ABCF1: variants seen among roughly 807,000 people sequenced by gnomAD.
The protein encoded by ABCF1 is ATP binding cassette subfamily F member 1.
ABCF1 carries 73 observed loss-of-function variants against 126.3 expected under a neutral mutation model. The ratio of observed to expected loss-of-function variants is 0.58; its 90% CI spans 0.48 to 0.70. The LOEUF (loss-of-function observed/expected upper bound fraction) is 0.70. Ranked by LOEUF, ABCF1 falls within the 30% of genes least tolerant of loss-of-function variation. ABCF1 has a pLI of 0.00. For synonymous variants in ABCF1, 345 were observed against 396.4 expected, an observed-to-expected ratio of 0.87 and a Z score of 1.54; for missense variants, 786 against 1,057.5, an observed-to-expected ratio of 0.74 and a Z score of 3.56.
Position 30,591,314 on chromosome 6 carries a change from C to G in ABCF1, c.*613C>G, listed in dbSNP as rs145548649. 1.3e-5 allele frequency: 2 copies of G among 152,262 alleles called. No individual in the cohort carries two copies. Among genetic ancestry groups the G allele is most frequent in the African/African-American group, 4.8e-5 (2 of 41,434 alleles). 9.4% of individuals were successfully genotyped at this position (152,262 alleles called of 1,614,324 possible). ...ATAAAGGAAAGGAGTTGCTGCCGAC[C>G]TGTCACTGTTTGGAGATTGATGGGA... On this transcript the variant is annotated 3_prime_UTR_variant, in exon 25 of 25. Coordinates refer to ENST00000326195, the MANE Select transcript of ABCF1 (RefSeq NM_001025091.2).
At chr6:30,578,440 A>C in intron 5 of ABCF1, 30 bp from the exon 6 acceptor site, 2 of 1,614,030 alleles carry the variant, frequency 1.2e-6, no homozygotes, top group Non-Finnish European at 8.5e-7. Flanking sequence ...TGACCATCCT[A>C]CTGACTTCTG....
chr6:30,581,528 C>G (rs930186581), intron 8 of ABCF1, among the ~76,000 whole-genome samples: 15 of 151,610 alleles, frequency 9.9e-5, no homozygotes, highest in African/African-American at 2.7e-4. Flanking sequence ...CTCAGTCTCC[C>G]GAGTAGCTGG....
At chr6:30,585,436 C>G (rs1011549939) in intron 15 of ABCF1, 93 bp downstream of exon 15, 50 of 1,570,718 alleles carry the variant, frequency 3.2e-5, no homozygotes, top group Non-Finnish European at 4.3e-5. Flanking sequence ...CTCCACTGTG[C>G]CTGTGAGTGG....
At position 30,586,417 on chromosome 6, in the gene ABCF1, A is replaced by G; in HGVS notation, c.1886-57A>G. 1.9e-6 allele frequency: 3 copies of G among 1,610,998 alleles called. No homozygotes were observed. The highest frequency in any genetic ancestry group is 2.5e-6 in the Non-Finnish European group (3 of 1,177,412). On this transcript the variant is annotated intron_variant, in intron 18 of 24. Transcript: ENST00000326195. This position sits in a 1 kb window ranked among gnomAD's most constrained non-coding sequence, Gnocchi z 4.9. ...TCCTGTTCTCCAAGGCCAGCACATGAGAGGGACTTTGCAGGGACTGAAAAG... is the reference window on the plus strand; with the variant it reads ...TCCTGTTCTCCAAGGCCAGCACATGGGAGGGACTTTGCAGGGACTGAAAAG...
Position 30,574,929 on chromosome 6 carries a change from A to G in ABCF1, c.74-2480A>G, listed in dbSNP as rs1429954540. Among the ~76,000 whole-genome samples, 2 of 152,070 alleles carry G rather than the reference A, an allele frequency of 1.3e-5. No homozygotes were observed. Among genetic ancestry groups the G allele is most frequent in the Admixed American group, 1.3e-4 (2 of 15,262 alleles). ...GTCTGTGAAGCCTTTAATTATTGGA[A>G]TTGTCTCTCGTTAACTCTAGTTTTT... is the stretch of plus-strand genomic sequence containing the variant. On this transcript the variant is annotated intron_variant, in intron 1 of 24. Transcript: ENST00000326195. This position sits in a 1 kb window ranked among gnomAD's most constrained non-coding sequence, Gnocchi z 4.3.
In ABCF1 at chr6:30,584,395, T is replaced by C. The variant is rs760233709; in HGVS notation, c.1243-23T>C. 86 of 1,612,974 alleles carry C rather than the reference T, an allele frequency of 5.3e-5. No individual in the cohort carries two copies. The highest frequency in any genetic ancestry group is 1.3e-4 in the Admixed American group (8 of 60,002). On this transcript the variant is annotated intron_variant, in intron 13 of 24. Coordinates refer to ENST00000326195, the MANE Select transcript of ABCF1 (RefSeq NM_001025091.2). The surrounding 1 kb of genome is among the most constrained non-coding windows in gnomAD (Gnocchi z 4.6). ...GGGGTTCCTGGGACCCTCAGACGTGTGTCCTCTTCTCCCTCCTCCCAGGTG... is the reference window on the plus strand; with the variant it reads ...GGGGTTCCTGGGACCCTCAGACGTGCGTCCTCTTCTCCCTCCTCCCAGGTG...
At position 30,583,797 on chromosome 6, in the gene ABCF1, T is replaced by C; in HGVS notation, c.1017-8T>C. ...GGTGGCCAGGTCCTAATAGCTTTTA[T>C]TCCCCAGCAAGGGCAAGACCACACT... On this transcript the variant is annotated splice_polypyrimidine_tract_variant and splice_region_variant and intron_variant, in intron 11 of 24. Coordinates refer to ENST00000326195, the MANE Select transcript of ABCF1 (RefSeq NM_001025091.2). The surrounding 1 kb of genome is among the most constrained non-coding windows in gnomAD (Gnocchi z 4.1). 2 of 1,614,060 alleles carry C rather than the reference T, an allele frequency of 1.2e-6. No homozygotes were observed. The highest frequency in any genetic ancestry group is 1.7e-6 in the Non-Finnish European group (2 of 1,179,956).
intron 9 of ABCF1, 111 bp from the exon 10 acceptor site, chr6:30,582,955 A>G (rs1257666061): frequency 7.3e-7 from 1 of 1,374,506 alleles, no homozygotes; most frequent in Non-Finnish European, 1.0e-6. Context: ...AGCCTCCCAG[A>G]GTGCTGGGAT....
Position 30,571,529 on chromosome 6 carries a change from G to T in ABCF1, c.42G>T (p.Trp14Cys). ...AGCAGCAGCCGCCGGAGCCCGAGTG[G>T]ATCGGGGACGGAGAGAGCACGAGCC... ...APKQQPPEPE[W>C]IGDGESTSPS... Residue 14 changes from tryptophan to cysteine, a missense_variant, in exon 1 of 25, where the codon TGG becomes TGT. By Grantham distance (215) the Trp-to-Cys change is radical. Coordinates refer to ENST00000326195, the MANE Select transcript of ABCF1 (RefSeq NM_001025091.2). 1.9e-6 allele frequency: 3 copies of T among 1,611,020 alleles called. No individual in the cohort carries two copies. Among genetic ancestry groups the T allele is most frequent in the Non-Finnish European group, 2.5e-6 (3 of 1,179,642 alleles).
Position 30,590,168 on chromosome 6 carries a change from T to A in ABCF1, c.2253T>A (p.Val751=). 1 of 1,612,924 alleles carries A rather than the reference T, an allele frequency of 6.2e-7. No individual in the cohort carries two copies. Among genetic ancestry groups the A allele is most frequent in the Non-Finnish European group, 8.5e-7 (1 of 1,179,968 alleles). ...CTACAGGTGGTCAGAAGGCGCGAGT[T>A]GTGTTTGCTGAGCTGGCCTGTCGGG... ...CKLSGGQKAR[V]VFAELACREP... Residue 751 remains valine (V), a synonymous_variant, in exon 23 of 25, where the codon GTT becomes GTA. Transcript: ENST00000326195.
chr6:30,573,059 C>T (rs888731843), intron 1 of ABCF1, among the ~76,000 whole-genome samples: 5 of 152,276 alleles, frequency 3.3e-5, no homozygotes, highest in African/African-American at 9.6e-5. Context: ...GAACAGTTCA[C>T]CTGTAGCACT....
Position 30,583,015 on chromosome 6 carries a change from T to C in ABCF1, c.793-51T>C, listed in dbSNP as rs1255055470. On this transcript the variant is annotated intron_variant, in intron 9 of 24. Transcript: ENST00000326195. The surrounding 1 kb of genome is among the most constrained non-coding windows in gnomAD (Gnocchi z 4.1). The stretch of plus-strand genomic sequence containing the variant: ...GCCAGCATGGGCTGTTTCATGGTGA[T>C]GGGAAACTGGTAGACTGTGGCTTCA... The C allele has an allele frequency of 1.3e-6, 2 of 1,578,384 alleles. No homozygotes were observed. Among genetic ancestry groups the C allele is most frequent in the South Asian group, 2.3e-5 (2 of 88,358 alleles).
chr6:30,578,688 T>G, intron 6 of ABCF1, 111 bp downstream of exon 6: 1 of 980,048 alleles, frequency 1.0e-6, no homozygotes, highest in Admixed American at 2.2e-5. Flanking sequence ...TTACTTATAC[T>G]GTTAAAATCA....
chr6:30,575,029 A>G (rs1801423614), intron 1 of ABCF1, among the ~76,000 whole-genome samples: 1 of 151,664 alleles, frequency 6.6e-6, no homozygotes, highest in African/African-American at 2.4e-5. Flanking sequence ...TAGTCTGAGA[A>G]TATTTTAATG....
chr6:30,586,024 C>T lies in ABCF1; in HGVS notation c.1713+33C>T, dbSNP rs776986319. 5 of 1,596,614 alleles carry T rather than the reference C, an allele frequency of 3.1e-6. No individual in the cohort carries two copies. Among genetic ancestry groups the T allele is most frequent in the Non-Finnish European group, 4.3e-6 (5 of 1,171,026 alleles). The stretch of plus-strand genomic sequence containing the variant: ...CCTGAGGGACTTCTGGGCTGGGGGC[C>T]ACTGTTCTCTCCTGGCAGTGGAGGA... On this transcript the variant is annotated intron_variant, in intron 17 of 24. Transcript: ENST00000326195. The surrounding 1 kb of genome is among the most constrained non-coding windows in gnomAD (Gnocchi z 4.9).
Position 30,584,422 on chromosome 6 carries a change from A to G in ABCF1, c.1247A>G (p.Tyr416Cys). The change falls in exon 14 of 25, where the codon TAT becomes TGT. Residue 416 changes from tyrosine to cysteine, a missense_variant. Transcript: ENST00000326195. This position sits in a 1 kb window ranked among gnomAD's most constrained non-coding sequence, Gnocchi z 4.6. The part of the protein sequence containing the change: ...DTAAERLEKV[Y>C]EELRATGAAA... ...TCCTCTTCTCCCTCCTCCCAGGTGT[A>G]TGAGGAATTGCGGGCCACTGGGGCG... is the stretch of plus-strand genomic sequence containing the variant. The G allele has an allele frequency of 6.2e-7, 1 of 1,613,088 alleles. No individual in the cohort carries two copies. The highest frequency in any genetic ancestry group is 8.5e-7 in the Non-Finnish European group (1 of 1,180,030).
chr6:30,580,240 G>T (rs972706309), intron 7 of ABCF1, among the ~76,000 whole-genome samples, 166 bp from the exon 8 acceptor site: 8 of 151,690 alleles, frequency 5.3e-5, no homozygotes, highest in Non-Finnish European at 7.4e-5. Flanking sequence ...CCAGCTACTC[G>T]GGAGGCTGAG....
Position 30,583,991 on chromosome 6 carries a change from G to T in ABCF1, c.1102+101G>T, listed in dbSNP as rs1386545454. The T allele has an allele frequency of 3.4e-6, 5 of 1,460,112 alleles. No homozygotes were observed. In the African/African-American group the frequency reaches 7.0e-5, roughly 20 times the overall value. The allele number at this position is 1,460,112 out of a possible 1,614,324, so 90.4% of individuals were successfully genotyped here. ...GAAATTGTGGCTATGGAGTTGGAAG[G>T]GATGTGGAGGGAGACTGGAGACCGG... On this transcript the variant is annotated intron_variant, in intron 12 of 24. Coordinates refer to ENST00000326195, the MANE Select transcript of ABCF1 (RefSeq NM_001025091.2). This position sits in a 1 kb window ranked among gnomAD's most constrained non-coding sequence, Gnocchi z 4.1.
chr6:30,578,197 A>T lies in ABCF1; in HGVS notation c.338A>T (p.Asp113Val). The change falls in exon 4 of 25, where the codon GAT becomes GTT. Residue 113 changes from aspartate (D) to valine (V), a missense_variant. By Grantham distance (152) the Asp-to-Val change is radical. Around this residue, in one of 4 missense-constraint regions of ABCF1, gnomAD observed 322 missense variants for 322.9 expected, o/e 1.00. Coordinates refer to ENST00000326195, the MANE Select transcript of ABCF1 (RefSeq NM_001025091.2). ...TCAGTGCCAACCAGTGATGAGGAGG[A>T]TGAAGGTAAATGACCTGAGGGGGAA... ...KLSVPTSDEEDEVPAPKPRGG... is the reference protein window; with the variant it reads ...KLSVPTSDEEVEVPAPKPRGG... 1.2e-6 allele frequency: 2 copies of T among 1,613,908 alleles called. No homozygotes were observed. Among genetic ancestry groups the T allele is most frequent in the Non-Finnish European group, 1.7e-6 (2 of 1,179,980 alleles).
Sources: allele counts gnomAD v4.1 joint callset (sites outside exome capture counted in the v4.1 genomes callset), GRCh38; gene constraint gnomAD v4.1.1; regional missense constraint gnomAD v4.1.1; non-coding constraint Gnocchi (gnomAD v3.1); transcripts MANE v1.5; gene names NCBI Gene and HGNC (gene_info 2026-07-23, HGNC 2026-07-21).